INSL6: variants seen among roughly 807,000 people sequenced by gnomAD.
The protein encoded by INSL6 is insulin like 6.
In INSL6, 16 loss-of-function variants were observed where a neutral mutation model predicts 9.4. That is an observed-to-expected ratio of 1.70 (90% CI 1.15 to 2.59). The LOEUF (loss-of-function observed/expected upper bound fraction) is 2.59, where lower values mean the gene tolerates loss of function less well. INSL6 is among the 30% of genes most tolerant of loss of function. The probability of loss-of-function intolerance (pLI) is 0.00; values close to 1 mark genes in which losing one functional copy is unlikely to be tolerated. For missense variants in INSL6, 391 were observed against 257.3 expected (o/e 1.52, Z -3.56); for synonymous variants, 154 against 96.9 (o/e 1.59, Z -3.46).
At chr9:5,005,160 G>T in the INSL6 span, among the ~76,000 whole-genome samples, 1 of 126,000 alleles carries the variant, frequency 7.9e-6, no homozygotes, top group Non-Finnish European at 1.6e-5. Flanking sequence ...GTGTTGCCCA[G>T]GCTGGTCTTG....
downstream of INSL6, among the ~76,000 whole-genome samples, chr9:5,121,055 G>A (rs542794372): frequency 2.6e-5 from 4 of 152,214 alleles, 1 homozygote; most frequent in South Asian, 8.3e-4. Flanking sequence ...ACCAAGAGAG[G>A]AATAAATCTG....
chr9:5,059,365 G>C, the INSL6 span, among the ~76,000 whole-genome samples: 1 of 152,024 alleles, frequency 6.6e-6, no homozygotes. Context: ...ATAATGTTTG[G>C]AGATTCATTT....
chr9:5,153,727 TACTAAGAGAATGTAATACCTAGGAATACA>T (rs1291804189), intron 2 of INSL6, among the ~76,000 whole-genome samples: 2 of 152,280 alleles, frequency 1.3e-5, no homozygotes, highest in East Asian at 3.9e-4. Flanking sequence ...TCACAACTGC[TACTAAGAGAATGTAATACCTAGGAATACA>T]ACTTACGAGG....
intron 1 of INSL6, among the ~76,000 whole-genome samples, chr9:5,164,505 T>A (rs1474180343): frequency 6.6e-6 from 1 of 152,260 alleles, no homozygotes; most frequent in African/African-American, 2.4e-5. Context: ...ATCATTCACA[T>A]GCTATAAAAT....
At chr9:5,183,824 G>C (rs1387470703) in intron 1 of INSL6, among the ~76,000 whole-genome samples, 3 of 152,040 alleles carry the variant, frequency 2.0e-5, no homozygotes, top group Non-Finnish European at 4.4e-5. Flanking sequence ...TTACTCAAAA[G>C]TGTGGGCCAC....
intron 1 of INSL6, among the ~76,000 whole-genome samples, chr9:5,170,005 G>C (rs188718385): frequency 1.1e-3 from 161 of 152,218 alleles, no homozygotes; most frequent in Non-Finnish European, 1.9e-3. Context: ...TTCAACTCTG[G>C]ATCAAATGGA....
At chr9:5,064,837 G>A in the INSL6 span, 5 of 1,402,206 alleles carry the variant, frequency 3.6e-6, no homozygotes, top group Admixed American at 2.5e-5. Context: ...TTAACATGGA[G>A]TTGACTTTCT....
chr9:5,179,970 G>T (rs1041799061), intron 1 of INSL6, among the ~76,000 whole-genome samples: 1 of 152,086 alleles, frequency 6.6e-6, no homozygotes, highest in Non-Finnish European at 1.5e-5. Context: ...TAACAAACCT[G>T]CACATCCTGC....
the INSL6 span, chr9:5,110,836 G>C: frequency 8.7e-6 from 4 of 458,052 alleles, no homozygotes; most frequent in Non-Finnish European, 1.7e-5. Flanking sequence ...TTTGTTCGGG[G>C]AAGGTGGGGG....
the INSL6 span, chr9:5,069,022 CG>C: frequency 1.3e-6 from 2 of 1,552,612 alleles, no homozygotes; most frequent in Non-Finnish European, 1.8e-6. Context: ...ACTTATACAG[CG>C]AGAAAATGTC....
the INSL6 span, among the ~76,000 whole-genome samples, chr9:5,029,076 C>G: frequency 6.6e-6 from 1 of 152,324 alleles, no homozygotes; most frequent in Admixed American, 6.5e-5. Flanking sequence ...ACCTTCCTCA[C>G]TTAGTTTAAT....
At chr9:5,112,706 C>T in the INSL6 span, 11 of 856,298 alleles carry the variant, frequency 1.3e-5, no homozygotes, top group Non-Finnish European at 1.9e-5. Context: ...GCAGCAAGTG[C>T]GAGAGCGGAA....
At chr9:5,090,514 C>T in the INSL6 span, 2 of 1,591,888 alleles carry the variant, frequency 1.3e-6, no homozygotes, top group Non-Finnish European at 1.7e-6. Context: ...TCTTCAAAAA[C>T]ATAAAGAACG....
At chr9:5,044,656 C>G in the INSL6 span, 1 of 521,934 alleles carries the variant, frequency 1.9e-6, no homozygotes, top group Non-Finnish European at 3.3e-6. Context: ...AGAGAAGTAA[C>G]AAAATTGAGT....
At chr9:5,046,591 G>C in the INSL6 span, among the ~76,000 whole-genome samples, 1 of 152,130 alleles carries the variant, frequency 6.6e-6, no homozygotes, top group African/African-American at 2.4e-5. Context: ...GTGAAGGTAA[G>C]GGCCCAACTT....
the INSL6 span, among the ~76,000 whole-genome samples, chr9:5,079,827 A>T: frequency 2.0e-5 from 3 of 151,530 alleles, no homozygotes; most frequent in Admixed American, 6.6e-5. Flanking sequence ...TCAAAAAAAA[A>T]ATTTTTTTTT....
At chr9:5,117,758 G>A in the INSL6 span, among the ~76,000 whole-genome samples, 3 of 151,746 alleles carry the variant, frequency 2.0e-5, no homozygotes, top group Non-Finnish European at 4.4e-5. Flanking sequence ...AAAGTTTTTT[G>A]GCAACCTCAG....
chr9:5,055,030 G>T, the INSL6 span: 40 of 517,946 alleles, frequency 7.7e-5, no homozygotes, highest in Non-Finnish European at 1.3e-4. Flanking sequence ...ACCTATCAAG[G>T]TCATATAATT....
intron 1 of INSL6, among the ~76,000 whole-genome samples, chr9:5,166,427 A>G (rs1221715054): frequency 6.6e-6 from 1 of 152,188 alleles, no homozygotes; most frequent in Non-Finnish European, 1.5e-5. Flanking sequence ...GTTTAAAAGA[A>G]TAAGATAGAA....
Sources: allele counts gnomAD v4.1 joint callset (sites outside exome capture counted in the v4.1 genomes callset), GRCh38; gene constraint gnomAD v4.1.1; transcripts MANE v1.5; gene names NCBI Gene and HGNC (gene_info 2026-07-23, HGNC 2026-07-21).